ABCC8: variants seen among roughly 807,000 people sequenced by gnomAD.
ABCC8 encodes the protein ATP-binding cassette sub-family C member 8.
A neutral mutation model predicts 188.0 loss-of-function variants in ABCC8; 137 were observed. The ratio of observed to expected loss-of-function variants is 0.73; its 90% confidence interval spans 0.63 to 0.84. ABCC8 has a LOEUF of 0.84. Ranked by LOEUF, ABCC8 falls within the 40% of genes least tolerant of loss-of-function variation. ABCC8 has a pLI of 0.00. For missense variants in ABCC8, 1,750 were observed against 2,072.7 expected (o/e 0.84, Z 3.02); for synonymous variants, 797 against 846.5 (o/e 0.94, Z 1.01).
At chr11:17,429,565 T>G (rs545931363) in intron 12 of ABCC8, 32 of 152,380 alleles carry the variant, frequency 2.1e-4, no homozygotes, top group African/African-American at 3.4e-4. Context: ...CTGAGCTGCC[T>G]CACTGAAAAG....
At chr11:17,410,715 A>G in intron 21 of ABCC8, 62 bp from the exon 22 acceptor site, 3 of 1,608,402 alleles carry the variant, frequency 1.9e-6, no homozygotes, top group Non-Finnish European at 2.6e-6. Context: ...GAGGGGTGAC[A>G]ATGAGTATAA....
chr11:17,469,285 G>T (rs767196491), intron 3 of ABCC8, among the ~76,000 whole-genome samples: 36 of 152,094 alleles, frequency 2.4e-4, no homozygotes, highest in Non-Finnish European at 3.8e-4. Flanking sequence ...AGAGGTGGGG[G>T]TTTCTCCATG....
chr11:17,405,605 AT>A, intron 26 of ABCC8, 42 bp from the exon 27 acceptor site: 1 of 1,614,032 alleles, frequency 6.2e-7, no homozygotes, highest in Non-Finnish European at 8.5e-7. Context: ...TTGTCCATTG[AT>A]TTACTTCCTG....
chr11:17,464,778 G>A (rs1023863587), intron 3 of ABCC8, among the ~76,000 whole-genome samples: 1 of 152,172 alleles, frequency 6.6e-6, no homozygotes, highest in African/African-American at 2.4e-5. Context: ...GTCCCCCTTT[G>A]AGGGTGGGGG....
intron 22 of ABCC8, among the ~76,000 whole-genome samples, chr11:17,409,433 G>A (rs1028039264): frequency 2.6e-5 from 4 of 152,150 alleles, no homozygotes; most frequent in Non-Finnish European, 5.9e-5. Context: ...CCTCAGGATT[G>A]TCCTGAACTA....
Position 17,413,472 on chromosome 11 carries a change from C to A in ABCC8, c.2397G>T (p.Lys799Asn), listed in dbSNP as rs1359155860. Residue 799 changes from lysine to asparagine, a missense_variant, in exon 20 of 39, where the codon AAG becomes AAT. Lys to Asn is a moderately conservative substitution (Grantham distance 94). Transcript: ENST00000389817. The stretch of plus-strand genomic sequence containing the variant: ...GCAGAGAGCAGGCTTCAATGACCAT[C>A]TTGTACCTGGCGTGGGTAGAGGCAG... ...FESPFNKQRY[K>N]MVIEACSLQP... The A allele has an allele frequency of 8.7e-6, 14 of 1,613,854 alleles. No individual in the cohort carries two copies. The highest frequency in any genetic ancestry group is 1.1e-5 in the Non-Finnish European group (13 of 1,180,052).
intron 28 of ABCC8, among the ~76,000 whole-genome samples, chr11:17,403,933 G>A (rs1439255088): frequency 1.3e-5 from 2 of 152,114 alleles, no homozygotes; most frequent in African/African-American, 4.8e-5. Context: ...GAGTTTCTAT[G>A]AATCTGGGAG....
intron 21 of ABCC8, among the ~76,000 whole-genome samples, chr11:17,411,215 C>T (rs547453109): frequency 6.6e-6 from 1 of 152,352 alleles, no homozygotes; most frequent in East Asian, 1.9e-4. Context: ...GGCGCAAAGC[C>T]AGATCTGATC....
Position 17,425,387 on chromosome 11 carries a change from T to C in ABCC8, c.2222+1662A>G, listed in dbSNP as rs866600337. 1.5e-4 allele frequency among the ~76,000 whole-genome samples: 23 copies of C among 152,304 alleles called. 1 individual carries two copies. The Middle Eastern group carries it at 0.01, about 68-fold the overall frequency. On this transcript the variant is annotated intron_variant, in intron 16 of 38. Coordinates refer to ENST00000389817, the MANE Select transcript of ABCC8 (RefSeq NM_000352.6). ...TGATATTCAGACATTGGGCCCAAAG[T>C]CTTTCTCCCTGCTCAGTTCTGTACT...
At position 17,427,193 on chromosome 11, in the gene ABCC8, G is replaced by A. The variant is rs564355017; in HGVS notation, c.2117-39C>T. Reference sequence around the variant, plus strand: ...GGGTGGCAGATGTGAGTGGGGCCGGGGGAGTCTGAACAACCATTACCCAGA... The same window carrying A: ...GGGTGGCAGATGTGAGTGGGGCCGGAGGAGTCTGAACAACCATTACCCAGA... On this transcript the variant is annotated intron_variant, in intron 15 of 38. Transcript: ENST00000389817. This position sits in a 1 kb window ranked among gnomAD's most constrained non-coding sequence, Gnocchi z 5.0. 7.0e-6 allele frequency: 11 copies of A among 1,581,124 alleles called. No individual in the cohort carries two copies. Among genetic ancestry groups the A allele is most frequent in the South Asian group, 6.9e-5 (6 of 87,536 alleles).
intron 3 of ABCC8, 61 bp downstream of exon 3, chr11:17,470,040 A>T (rs1315640007): frequency 2.5e-6 from 4 of 1,592,554 alleles, no homozygotes; most frequent in Non-Finnish European, 3.4e-6. Flanking sequence ...ATGAGTCCTC[A>T]GTAAACATTA....
intron 7 of ABCC8, among the ~76,000 whole-genome samples, chr11:17,450,238 T>TTTTC (rs1564958399): frequency 3.9e-4 from 25 of 64,066 alleles, no homozygotes; most frequent in Non-Finnish European, 5.9e-4. Flanking sequence ...AACTCCTTTC[T>TTTTC]TTTCTTTTTC....
chr11:17,460,657 G>A lies in ABCC8; in HGVS notation c.842C>T (p.Thr281Ile), dbSNP rs1429879162. 6.2e-7 allele frequency: 1 copy of A among 1,610,332 alleles called. No homozygotes were observed. The highest frequency in any genetic ancestry group is 8.5e-7 in the Non-Finnish European group (1 of 1,180,014). ...CTGCCAGATGGCCCGGGCACCTTGAGTGCCCTGAATGTCCTTCCGCTGCCC... is the reference window on the plus strand; with the variant it reads ...CTGCCAGATGGCCCGGGCACCTTGAATGCCCTGAATGTCCTTCCGCTGCCC... The part of the protein sequence containing the change: ...DAQVRKDIQG[T>I]QGARAIWQAL... The change falls in exon 6 of 39, where the codon ACT (threonine) becomes ATT (isoleucine). Residue 281 changes from threonine (T) to isoleucine (I), a missense_variant. By Grantham distance (89) the Thr-to-Ile change is moderately conservative. Coordinates refer to ENST00000389817, the MANE Select transcript of ABCC8 (RefSeq NM_000352.6).
intron 23 of ABCC8, 184 bp downstream of exon 23, chr11:17,408,208 G>A: frequency 1.7e-6 from 1 of 591,868 alleles, no homozygotes. Context: ...ACCTGATTCT[G>A]CCCTGGGCAC....
intron 26 of ABCC8, 144 bp downstream of exon 26, chr11:17,406,478 G>A (rs952556557): frequency 4.9e-6 from 4 of 824,594 alleles, no homozygotes; most frequent in East Asian, 2.7e-5. Flanking sequence ...TGCACAAGGA[G>A]GGCACTTTTA....
Position 17,450,685 on chromosome 11 carries a change from CTTTTTTT to C in ABCC8, c.1177-2021_1177-2015del, listed in dbSNP as rs71047553. Among the ~76,000 whole-genome samples, 152 of 76,722 alleles carry C rather than the reference CTTTTTTT, an allele frequency of 2.0e-3. 1 individual carries two copies. Among genetic ancestry groups the C allele is most frequent in the Non-Finnish European group, 3.1e-3 (130 of 42,424 alleles). 50.3% of individuals were successfully genotyped at this position (76,722 alleles called of 152,430 possible). On this transcript the variant is annotated intron_variant, in intron 7 of 38. Coordinates refer to ENST00000389817, the MANE Select transcript of ABCC8 (RefSeq NM_000352.6). ...GTGCTGGGATTACAGGCATGAGCCA[CTTTTTTT>C]TTTTTTTTTTTTTTGAGATGAAGTC... is the stretch of plus-strand genomic sequence containing the variant.
intron 27 of ABCC8, among the ~76,000 whole-genome samples, chr11:17,405,019 C>T (rs1200317739): frequency 3.3e-5 from 5 of 152,196 alleles, no homozygotes; most frequent in African/African-American, 1.2e-4. Flanking sequence ...CCTGCCTCCG[C>T]CTCCCAAAGT....
chr11:17,432,294 C>A lies in ABCC8; in HGVS notation c.1631-50G>T, dbSNP rs1455034405. On this transcript the variant is annotated intron_variant, in intron 10 of 38. Transcript: ENST00000389817. The stretch of plus-strand genomic sequence containing the variant: ...TTTAGTGGGAGGAGCGTGACAGCTA[C>A]ACATGGAGATGCCCAGGATGGCTTG... 3 of 1,551,702 alleles carry A rather than the reference C, an allele frequency of 1.9e-6. No individual in the cohort carries two copies. The East Asian group carries it at 7.3e-5, about 38-fold the overall frequency.
At chr11:17,463,190 C>T (rs1448661777) in intron 4 of ABCC8, among the ~76,000 whole-genome samples, 1 of 152,160 alleles carries the variant, frequency 6.6e-6, no homozygotes. Flanking sequence ...AAGTCATCCG[C>T]CAACCTCAGC....
Sources: allele counts gnomAD v4.1 joint callset (sites outside exome capture counted in the v4.1 genomes callset), GRCh38; gene constraint gnomAD v4.1.1; non-coding constraint Gnocchi (gnomAD v3.1); transcripts MANE v1.5; gene names NCBI Gene and HGNC (gene_info 2026-07-23, HGNC 2026-07-21).